The following MARCHF3 variants were observed in gnomAD, a reference collection of about 807,000 sequenced individuals.
MARCHF3 encodes the protein membrane associated ring-CH-type finger 3, also known as E3 ubiquitin-protein ligase MARCHF3.
MARCHF3 carries 13 observed loss-of-function variants against 24.2 expected under a neutral mutation model. The observed-to-expected ratio is 0.54, with a 90% CI of 0.35 to 0.85. MARCHF3 has a LOEUF of 0.85. Among genes scored for constraint, MARCHF3 ranks in the 40% least tolerant of loss-of-function variants. The pLI is 0.01. For missense variants in MARCHF3, 276 were observed against 325.0 expected (o/e 0.85, Z 1.16); for synonymous variants, 144 against 137.3 (o/e 1.05, Z -0.34).
Position 126,911,859 on chromosome 5 carries a change from G to A in MARCHF3, c.393+3071C>T, listed in dbSNP as rs184272403. Among the ~76,000 whole-genome samples, 70 of 152,284 alleles carry A rather than the reference G, an allele frequency of 4.6e-4. 1 individual carries two copies. The highest frequency in any genetic ancestry group is 1.6e-3 in the African/African-American group (66 of 41,556). ...TCAACTCACTGAGGTCTAATTGTAC[G>A]CCATACAGTATATCCATTTTAAGTG... On this transcript the variant is annotated intron_variant, in intron 3 of 4. Transcript: ENST00000308660.
At chr5:126,945,205 T>C (rs989169252) in intron 1 of MARCHF3, among the ~76,000 whole-genome samples, 1 of 152,194 alleles carries the variant, frequency 6.6e-6, no homozygotes, top group Non-Finnish European at 1.5e-5. Flanking sequence ...TGGCTTGAAA[T>C]TGGCAATAGT....
intron 1 of MARCHF3, among the ~76,000 whole-genome samples, chr5:127,000,756 T>C (rs1348977266): frequency 6.6e-6 from 1 of 151,962 alleles, no homozygotes; most frequent in African/African-American, 2.4e-5. Flanking sequence ...TGGAGTGCAG[T>C]GGCGCTATCT....
At chr5:126,871,423 G>A (rs185770175) in intron 4 of MARCHF3, among the ~76,000 whole-genome samples, 133 of 152,248 alleles carry the variant, frequency 8.7e-4, no homozygotes, top group African/African-American at 3.1e-3. Flanking sequence ...AAATCTTCTC[G>A]AGCCTCAGGC....
intron 1 of MARCHF3, among the ~76,000 whole-genome samples, chr5:127,014,648 T>C (rs1752578309): frequency 6.6e-6 from 1 of 152,190 alleles, no homozygotes; most frequent in Non-Finnish European, 1.5e-5. Flanking sequence ...AATTCTGTAA[T>C]TTTACAGCAA....
intron 1 of MARCHF3, among the ~76,000 whole-genome samples, chr5:126,968,239 A>G (rs917227982): frequency 6.6e-6 from 1 of 152,224 alleles, no homozygotes; most frequent in African/African-American, 2.4e-5. Flanking sequence ...TTTCAATTCT[A>G]CTGGGTATGC....
At position 126,903,902 on chromosome 5, in the gene MARCHF3, C is replaced by T. The variant is rs368950934; in HGVS notation, c.393+11028G>A. Among the ~76,000 whole-genome samples, 1,186 of 151,598 alleles carry T rather than the reference C, an allele frequency of 7.8e-3. 15 individuals are homozygous for T. The highest frequency in any genetic ancestry group is 0.027 in the African/African-American group (1,106 of 41,226). The stretch of plus-strand genomic sequence containing the variant: ...TATGTATACATGTGCCATGCTGGTG[C>T]GCCGCACCTACTAACTCGTCATCTA... On this transcript the variant is annotated intron_variant, in intron 3 of 4. Coordinates refer to ENST00000308660, the MANE Select transcript of MARCHF3 (RefSeq NM_178450.5).
intron 1 of MARCHF3, among the ~76,000 whole-genome samples, chr5:126,929,135 G>T (rs530359533): frequency 2.0e-5 from 3 of 152,306 alleles, no homozygotes; most frequent in Admixed American, 6.5e-5. Context: ...CCAAGCCATT[G>T]TCTGTTGAAG....
intron 1 of MARCHF3, among the ~76,000 whole-genome samples, chr5:126,933,559 A>G (rs1342640238): frequency 6.6e-6 from 1 of 151,124 alleles, no homozygotes; most frequent in Non-Finnish European, 1.5e-5. Context: ...ATTCTCCTGC[A>G]TAAGCCTCCC....
intron 3 of MARCHF3, among the ~76,000 whole-genome samples, chr5:126,908,743 C>A (rs934642828): frequency 4.7e-5 from 7 of 150,332 alleles, no homozygotes; most frequent in Non-Finnish European, 1.0e-4. Flanking sequence ...TCAAAGTTTT[C>A]AACTTCTTTG....
chr5:126,959,844 C>T (rs959822531), intron 1 of MARCHF3, among the ~76,000 whole-genome samples: 4 of 152,116 alleles, frequency 2.6e-5, no homozygotes, highest in Non-Finnish European at 5.9e-5. Flanking sequence ...AGACAGTAAG[C>T]ATTGCTTGGT....
At position 126,868,027 on chromosome 5, in the gene MARCHF3, C is replaced by T. The variant is rs1453061876; in HGVS notation, c.*2606G>A. On this transcript the variant is annotated 3_prime_UTR_variant, in exon 5 of 5. Transcript: ENST00000308660. ...AAGTCAGTTAAAGAGAAGCAATGAACCACGAGGGTCCTTTAGGTAAAGGAC... is the reference window on the plus strand; with the variant it reads ...AAGTCAGTTAAAGAGAAGCAATGAATCACGAGGGTCCTTTAGGTAAAGGAC... 2 of 152,118 alleles carry T rather than the reference C, an allele frequency of 1.3e-5. No homozygotes were observed. The highest frequency in any genetic ancestry group is 4.8e-5 in the African/African-American group (2 of 41,390). The allele number at this position is 152,118 out of a possible 1,614,324, so 9.4% of individuals were successfully genotyped here. A position where few individuals can be genotyped will look rare whatever the true frequency, so the allele number is the denominator to read the frequency against.
At chr5:126,985,475 T>TA (rs1320857074) in intron 1 of MARCHF3, among the ~76,000 whole-genome samples, 2 of 150,146 alleles carry the variant, frequency 1.3e-5, no homozygotes, top group Non-Finnish European at 3.0e-5. Context: ...ACTTTTATTT[T>TA]TTTTTTTTTT....
chr5:126,916,697 A>ACACACT lies in MARCHF3; in HGVS notation c.188+1286_188+1287insAGTGTG, dbSNP rs1754749771. ...ACCTGACAGACAGACAGACAGACAC[A>ACACACT]CACACACACACACACACACACACAC... On this transcript the variant is annotated intron_variant, in intron 2 of 4. Coordinates refer to ENST00000308660, the MANE Select transcript of MARCHF3 (RefSeq NM_178450.5). Among the ~76,000 whole-genome samples the ACACACT allele has an allele frequency of 2.7e-5, 3 of 111,010 alleles. No individual in the cohort carries two copies. In the South Asian group the frequency reaches 7.5e-4, roughly 28 times the overall value. The allele number at this position is 111,010 out of a possible 152,430, so 72.8% of individuals were successfully genotyped here.
chr5:126,965,321 A>C (rs2126825160), intron 1 of MARCHF3, among the ~76,000 whole-genome samples: 1 of 152,316 alleles, frequency 6.6e-6, no homozygotes, highest in African/African-American at 2.4e-5. Flanking sequence ...CACTTCTTTA[A>C]GCTAGAGCTC....
At chr5:127,022,776 A>T (rs1482452672) in intron 1 of MARCHF3, among the ~76,000 whole-genome samples, 1 of 152,244 alleles carries the variant, frequency 6.6e-6, no homozygotes. Flanking sequence ...CTCATCTTCT[A>T]TGTGGGCTTA....
chr5:126,965,481 TA>T (rs1222842977), intron 1 of MARCHF3, among the ~76,000 whole-genome samples: 5 of 152,170 alleles, frequency 3.3e-5, no homozygotes, highest in Non-Finnish European at 5.9e-5. Context: ...ATTAGAAACA[TA>T]AATAAATGCT....
chr5:126,963,638 G>A (rs1447594129), intron 1 of MARCHF3, among the ~76,000 whole-genome samples: 1 of 152,096 alleles, frequency 6.6e-6, no homozygotes, highest in Non-Finnish European at 1.5e-5. Context: ...AGAAATAGAA[G>A]CTGACAAAAA....
At chr5:126,999,157 C>T (rs1369654859) in intron 1 of MARCHF3, among the ~76,000 whole-genome samples, 1 of 152,346 alleles carries the variant, frequency 6.6e-6, no homozygotes, top group African/African-American at 2.4e-5. Flanking sequence ...GGGTGGTGAG[C>T]TGCAGGGCTC....
chr5:126,879,864 T>C (rs963586066), intron 3 of MARCHF3, among the ~76,000 whole-genome samples: 2 of 152,140 alleles, frequency 1.3e-5, no homozygotes, highest in African/African-American at 4.8e-5. Flanking sequence ...TTCCATCTTG[T>C]TCCTACCAAC....
Sources: allele counts gnomAD v4.1 joint callset (sites outside exome capture counted in the v4.1 genomes callset), GRCh38; gene constraint gnomAD v4.1.1; transcripts MANE v1.5; gene names NCBI Gene and HGNC (gene_info 2026-07-23, HGNC 2026-07-21).